ZNF560: variants seen among roughly 807,000 people sequenced by gnomAD.
The protein encoded by ZNF560 is zinc finger protein 560.
In ZNF560, 54 loss-of-function variants were observed where a neutral mutation model predicts 81.8. The ratio of observed to expected loss-of-function variants is 0.66; its 90% CI spans 0.53 to 0.83. The LOEUF is 0.83. Ranked by LOEUF, ZNF560 falls within the 40% of genes least tolerant of loss-of-function variation. The pLI, the probability that ZNF560 is intolerant of heterozygous loss-of-function variation, is 0.00. For missense variants in ZNF560, 940 were observed against 932.4 expected (o/e 1.01, Z -0.11); for synonymous variants, 321 against 317.9 (o/e 1.01, Z -0.10).
intron 6 of ZNF560, among the ~76,000 whole-genome samples, chr19:9,470,857 C>T (rs1169830156): frequency 6.6e-6 from 1 of 152,170 alleles, no homozygotes; most frequent in Non-Finnish European, 1.5e-5. Context: ...AAGAAAAGAA[C>T]ACTTTCATAC....
the ZNF560 span, among the ~76,000 whole-genome samples, chr19:9,504,009 T>G: frequency 6.6e-6 from 1 of 152,230 alleles, no homozygotes; most frequent in African/African-American, 2.4e-5. Flanking sequence ...TTGTTCTTGA[T>G]CTCCTGTTTT....
intron 5 of ZNF560, 44 bp downstream of exon 5, chr19:9,473,135 A>C (rs748380001): frequency 1.6e-5 from 23 of 1,477,484 alleles, no homozygotes; most frequent in Non-Finnish European, 1.9e-5. Context: ...TTCTAAACAT[A>C]CTGAACTTCT....
chr19:9,475,628 A>G, intron 2 of ZNF560, among the ~76,000 whole-genome samples: 1 of 138,366 alleles, frequency 7.2e-6, no homozygotes, highest in African/African-American at 3.0e-5. Context: ...TTTTTTGGAG[A>G]TGGAGTTTCA....
chr19:9,470,365 G>C (rs1425888612), intron 7 of ZNF560, 27 bp downstream of exon 7: 2 of 1,587,956 alleles, frequency 1.3e-6, no homozygotes, highest in East Asian at 4.5e-5. Flanking sequence ...TTCCAGAATA[G>C]GCTACAAGGG....
At chr19:9,465,981 G>A (rs1047801252), downstream of ZNF560, among the ~76,000 whole-genome samples, 4 of 151,912 alleles carry the variant, frequency 2.6e-5, no homozygotes, top group South Asian at 2.1e-4. Flanking sequence ...GCTACAGAGT[G>A]GGACTTCATC....
downstream of ZNF560, among the ~76,000 whole-genome samples, chr19:9,461,734 C>A (rs113875641): frequency 6.6e-6 from 1 of 152,156 alleles, no homozygotes; most frequent in Non-Finnish European, 1.5e-5. Flanking sequence ...ATACTTCTGA[C>A]TTTTGTATCA....
At chr19:9,500,291 A>C (rs1284601466), upstream of ZNF560, among the ~76,000 whole-genome samples, 1 of 150,646 alleles carries the variant, frequency 6.6e-6, no homozygotes, top group East Asian at 2.0e-4. Context: ...AGGCTGAGGC[A>C]GGAGAATCAC....
At chr19:9,474,610 G>C (rs571614655) in intron 3 of ZNF560, among the ~76,000 whole-genome samples, 2 of 152,010 alleles carry the variant, frequency 1.3e-5, no homozygotes, top group East Asian at 3.9e-4. Context: ...TCTACTAAAA[G>C]ATATCCCAGA....
chr19:9,455,229 A>C, the ZNF560 span, among the ~76,000 whole-genome samples: 1 of 152,176 alleles, frequency 6.6e-6, no homozygotes, highest in Non-Finnish European at 1.5e-5. Context: ...TAAACAGGCT[A>C]TCAATCAGTA....
chr19:9,470,288 T>C (rs1483757484), intron 7 of ZNF560, 104 bp downstream of exon 7: 8 of 1,469,382 alleles, frequency 5.4e-6, no homozygotes, highest in Non-Finnish European at 7.3e-6. Flanking sequence ...AGTGTGTATA[T>C]ATCCCACTGT....
At chr19:9,450,025 G>A in the ZNF560 span, among the ~76,000 whole-genome samples, 1 of 149,296 alleles carries the variant, frequency 6.7e-6, no homozygotes, top group East Asian at 2.0e-4. Flanking sequence ...AGGCACGATG[G>A]CTTGTGCCCG....
chr19:9,476,512 G>A (rs1227192347), intron 2 of ZNF560, among the ~76,000 whole-genome samples: 3 of 151,920 alleles, frequency 2.0e-5, no homozygotes, highest in South Asian at 2.1e-4. Context: ...GGCTGGTCTC[G>A]AACTCCTGAC....
At chr19:9,460,323 C>T in the ZNF560 span, among the ~76,000 whole-genome samples, 2 of 152,194 alleles carry the variant, frequency 1.3e-5, no homozygotes, top group Admixed American at 1.3e-4. Flanking sequence ...CTGAGGAAAG[C>T]AGGACAAGCA....
At chr19:9,476,637 A>T (rs2144699747) in intron 2 of ZNF560, among the ~76,000 whole-genome samples, 1 of 152,106 alleles carries the variant, frequency 6.6e-6, no homozygotes, top group East Asian at 1.9e-4. Flanking sequence ...CTTGCACCCA[A>T]TCTCTCTCCT....
chr19:9,454,285 A>G, the ZNF560 span, among the ~76,000 whole-genome samples: 1 of 152,238 alleles, frequency 6.6e-6, no homozygotes, highest in East Asian at 1.9e-4. Context: ...TCAGCTCTGA[A>G]GGTCTCATTG....
the ZNF560 span, among the ~76,000 whole-genome samples, chr19:9,456,367 CA>C: frequency 6.6e-6 from 1 of 152,174 alleles, no homozygotes. Flanking sequence ...CGGGGAAATT[CA>C]AATCGTTATA....
upstream of ZNF560, among the ~76,000 whole-genome samples, chr19:9,499,885 C>T (rs1015659262): frequency 2.6e-5 from 4 of 152,112 alleles, no homozygotes; most frequent in African/African-American, 9.7e-5. Context: ...TTGTTCATTG[C>T]TGGTGTATAG....
chr19:9,492,897 C>T (rs1172506261), intron 2 of ZNF560, among the ~76,000 whole-genome samples: 2 of 152,170 alleles, frequency 1.3e-5, no homozygotes, highest in African/African-American at 2.4e-5. Context: ...ATGGGGAATG[C>T]TTCCCCAGGG....
At chr19:9,455,047 G>A in the ZNF560 span, among the ~76,000 whole-genome samples, 4 of 152,162 alleles carry the variant, frequency 2.6e-5, no homozygotes, top group South Asian at 4.2e-4. Context: ...GCAACTGTTC[G>A]AGCAGAGCCC....
Sources: gnomAD v4.1 joint callset for allele counts (sites outside exome capture counted in the v4.1 genomes callset) on GRCh38, gnomAD v4.1.1 for gene constraint, MANE v1.5 for transcripts, NCBI Gene and HGNC (gene_info 2026-07-23, HGNC 2026-07-21) for gene names.